DACH1: variants seen among roughly 807,000 people sequenced by gnomAD.
DACH1 encodes the protein dachshund homolog 1.
A neutral mutation model predicts 54.2 loss-of-function variants in DACH1; 12 were observed. The observed-to-expected ratio is 0.22, with a 90% CI of 0.14 to 0.36. The LOEUF is 0.36. DACH1 is among the 10% of genes least tolerant of loss of function. The pLI is 1.00. For missense variants in DACH1, 805 were observed against 929.8 expected, an observed-to-expected ratio of 0.87 and a Z score of 1.75; for synonymous variants, 386 against 366.2, an observed-to-expected ratio of 1.05 and a Z score of -0.62.
At chr13:71,738,373 T>C (rs549202230) in intron 1 of DACH1, among the ~76,000 whole-genome samples, 76 of 152,206 alleles carry the variant, frequency 5.0e-4, no homozygotes, top group African/African-American at 1.8e-3. Flanking sequence ...TTTACAATAT[T>C]AATTGAGAAA....
chr13:71,562,896 T>C (rs890710141), intron 4 of DACH1, among the ~76,000 whole-genome samples: 10 of 152,078 alleles, frequency 6.6e-5, no homozygotes, highest in Admixed American at 4.6e-4. Context: ...TAGTTGTGTA[T>C]GGTTTTGGAG....
chr13:71,701,570 A>T (rs566147854), intron 1 of DACH1, among the ~76,000 whole-genome samples: 1 of 152,180 alleles, frequency 6.6e-6, no homozygotes, highest in Middle Eastern at 3.2e-3. Context: ...AGATAGTGAC[A>T]GAACAAAAGG....
At chr13:71,834,886 G>A (rs1888722266) in intron 1 of DACH1, among the ~76,000 whole-genome samples, 1 of 151,986 alleles carries the variant, frequency 6.6e-6, no homozygotes, top group African/African-American at 2.4e-5. Context: ...GAAAATCCCA[G>A]GCATTGCATT....
chr13:71,651,219 G>A (rs1437266229), intron 2 of DACH1, among the ~76,000 whole-genome samples: 2 of 151,772 alleles, frequency 1.3e-5, no homozygotes, highest in African/African-American at 2.4e-5. Flanking sequence ...AAGTGCATGA[G>A]GGCAGGGCAC....
At chr13:71,641,948 G>T (rs995457020) in intron 2 of DACH1, among the ~76,000 whole-genome samples, 11 of 152,110 alleles carry the variant, frequency 7.2e-5, no homozygotes, top group Admixed American at 1.3e-4. Context: ...TTACCAATGT[G>T]CAGTATTATA....
chr13:71,829,429 A>G (rs1248727068), intron 1 of DACH1, among the ~76,000 whole-genome samples: 2 of 152,034 alleles, frequency 1.3e-5, no homozygotes, highest in African/African-American at 2.4e-5. Flanking sequence ...TTTCATCTAA[A>G]ACAAGAAAGT....
At chr13:71,735,430 CGTATACGGATATACGT>C (rs1197325369) in intron 1 of DACH1, among the ~76,000 whole-genome samples, 2 of 24,636 alleles carry the variant, frequency 8.1e-5, no homozygotes, top group African/African-American at 2.1e-4. Context: ...GGGATATACA[CGTATACGGATATACGT>C]GTATATGGGA....
In DACH1 at chr13:71,647,193, T is replaced by A. The variant is rs117099917; in HGVS notation, c.965-16476A>T. ...TCTGAACACTGCCACAAATGTGAAGTCTTGGCATATTTTATCATTACCTTG... is the reference window on the plus strand; with the variant it reads ...TCTGAACACTGCCACAAATGTGAAGACTTGGCATATTTTATCATTACCTTG... On this transcript the variant is annotated intron_variant, in intron 2 of 10. Transcript: ENST00000613252. 1.3e-3 allele frequency among the ~76,000 whole-genome samples: 193 copies of A among 152,302 alleles called. 2 individuals are homozygous for A. In the East Asian group the frequency reaches 0.03, roughly 23 times the overall value.
intron 6 of DACH1, among the ~76,000 whole-genome samples, chr13:71,500,781 G>GC (rs1210429106): frequency 6.6e-6 from 1 of 151,714 alleles, no homozygotes; most frequent in Non-Finnish European, 1.5e-5. Flanking sequence ...CTGAACTCTG[G>GC]CCTTTTTTTT....
At chr13:71,757,283 A>G (rs1885205259) in intron 1 of DACH1, among the ~76,000 whole-genome samples, 2 of 152,178 alleles carry the variant, frequency 1.3e-5, no homozygotes, top group African/African-American at 2.4e-5. Flanking sequence ...CCTAAATGCC[A>G]TAAGCACTAG....
chr13:71,702,295 T>C (rs1882179305), intron 1 of DACH1, among the ~76,000 whole-genome samples: 1 of 152,138 alleles, frequency 6.6e-6, no homozygotes, highest in East Asian at 1.9e-4. Flanking sequence ...TAAATCTAGA[T>C]TTCTTATGAA....
intron 6 of DACH1, among the ~76,000 whole-genome samples, chr13:71,519,429 AGTTACCCAT>A (rs1376497294): frequency 6.6e-6 from 1 of 151,898 alleles, no homozygotes; most frequent in African/African-American, 2.4e-5. Flanking sequence ...TAGGAACAAT[AGTTACCCAT>A]GTCTACATTA....
At chr13:71,676,763 G>A (rs1284102993) in intron 2 of DACH1, among the ~76,000 whole-genome samples, 2 of 151,962 alleles carry the variant, frequency 1.3e-5, no homozygotes, top group East Asian at 1.9e-4. Context: ...ATATTGCCCC[G>A]GTCCAGTATT....
intron 1 of DACH1, among the ~76,000 whole-genome samples, chr13:71,841,086 C>A (rs977684779): frequency 3.3e-5 from 5 of 152,058 alleles, no homozygotes; most frequent in Non-Finnish European, 5.9e-5. Context: ...TTTTCTGAAA[C>A]CTAAAATATG....
chr13:71,499,201 T>TGTTTCTTAAA (rs61375304), intron 6 of DACH1, among the ~76,000 whole-genome samples: 141,052 of 151,984 alleles, frequency 0.93, 66,262 homozygotes, highest in Non-Finnish European at 1. Flanking sequence ...CACATCTGCT[T>TGTTTCTTAAA]GACATAAGTC....
chr13:71,813,315 T>A (rs961026231), intron 1 of DACH1, among the ~76,000 whole-genome samples: 1 of 152,194 alleles, frequency 6.6e-6, no homozygotes, highest in African/African-American at 2.4e-5. Context: ...TACTATTCTA[T>A]GTTTAGGATA....
intron 1 of DACH1, among the ~76,000 whole-genome samples, chr13:71,731,515 C>T (rs1185652392): frequency 6.6e-6 from 1 of 152,074 alleles, no homozygotes; most frequent in Non-Finnish European, 1.5e-5. Context: ...GATCTCCTGA[C>T]CTCGTGCTCG....
chr13:71,842,483 T>C (rs1299562692), intron 1 of DACH1, among the ~76,000 whole-genome samples: 2 of 150,872 alleles, frequency 1.3e-5, no homozygotes, highest in African/African-American at 2.4e-5. Context: ...AAGGCTGAGG[T>C]GGGAGGATCA....
Position 71,439,939 on chromosome 13 carries a change from T to TTA in DACH1, c.*714_*715dup, listed in dbSNP as rs1873859089. 1 of 152,328 alleles carries TTA rather than the reference T, an allele frequency of 6.6e-6. No individual in the cohort carries two copies. The highest frequency in any genetic ancestry group is 1.9e-4 in the East Asian group (1 of 5,174). 9.4% of individuals were successfully genotyped at this position (152,328 alleles called of 1,614,324 possible). On this transcript the variant is annotated 3_prime_UTR_variant, in exon 11 of 11. Transcript: ENST00000613252. ...AGTTTGGAATGAAAACATGTTACAC[T>TTA]TATATATTTTTTTTTATTTTTAAGA...
Sources: allele counts gnomAD v4.1 joint callset (sites outside exome capture counted in the v4.1 genomes callset), GRCh38; gene constraint gnomAD v4.1.1; transcripts MANE v1.5; gene names NCBI Gene and HGNC (gene_info 2026-07-23, HGNC 2026-07-21).